Variants in CD81 observed in about 807,000 individuals in gnomAD.
The protein encoded by CD81 is CD81 antigen.
A neutral mutation model predicts 30.1 loss-of-function variants in CD81; 10 were observed. That is an observed-to-expected ratio of 0.33 (90% CI 0.21 to 0.56). The LOEUF (loss-of-function observed/expected upper bound fraction) is 0.56. CD81 is among the 20% of genes least tolerant of loss of function. The probability of loss-of-function intolerance (pLI) is 0.89; values close to 1 mark genes in which losing one functional copy is unlikely to be tolerated. For missense variants in CD81, 263 were observed against 308.7 expected (o/e 0.85, Z 1.11); for synonymous variants, 147 against 126.4 (o/e 1.16, Z -1.10).
At position 2,397,232 on chromosome 11, in the gene CD81, C is replaced by T. The variant is rs892915391; in HGVS notation, c.*366C>T. The T allele has an allele frequency of 5.1e-6, 2 of 389,230 alleles. No individual in the cohort carries two copies. Among genetic ancestry groups the T allele is most frequent in the Admixed American group, 7.8e-5 (2 of 25,578 alleles). The allele number at this position is 389,230 out of a possible 1,614,324, so 24.1% of individuals were successfully genotyped here. ...GCTGTGTCCACCCAGCCCGCCCGTC[C>T]TGTGGGCTGCACAGCTCACCTTGTT... On this transcript the variant is annotated 3_prime_UTR_variant, in exon 8 of 8. Coordinates refer to ENST00000263645, the MANE Select transcript of CD81 (RefSeq NM_004356.4).
chr11:2,394,604 G>A (rs1849963619), intron 3 of CD81, among the ~76,000 whole-genome samples: 2 of 152,144 alleles, frequency 1.3e-5, no homozygotes, highest in Non-Finnish European at 2.9e-5. Flanking sequence ...CCTTCCGTGG[G>A]GAGCAGGAAC....
At chr11:2,386,520 C>T (rs947204229) in intron 1 of CD81, 11 of 715,458 alleles carry the variant, frequency 1.5e-5, no homozygotes, top group African/African-American at 3.5e-5. Flanking sequence ...ATCCAGAAAC[C>T]GGCAGTGACC....
chr11:2,376,917 C>T (rs1247067134), upstream of CD81: 2 of 152,340 alleles, frequency 1.3e-5, no homozygotes, highest in African/African-American at 2.4e-5. Flanking sequence ...CCGGATTGTC[C>T]AAGGTGCTCA....
At chr11:2,381,683 C>T (rs1398327933) in intron 1 of CD81, among the ~76,000 whole-genome samples, 1 of 152,200 alleles carries the variant, frequency 6.6e-6, no homozygotes, top group Non-Finnish European at 1.5e-5. Flanking sequence ...GGGGCTGGGG[C>T]TGGAGAGGAG....
At position 2,387,066 on chromosome 11, in the gene CD81, T is replaced by C. The variant is rs572049396; in HGVS notation, c.67-3346T>C. On this transcript the variant is annotated intron_variant, in intron 1 of 7. Transcript: ENST00000263645. ...CTGAGCTTTGCCATCACTACCTTTC[T>C]GTTAGGACGGTATGCCCATTAGATG... Among the ~76,000 whole-genome samples the C allele has an allele frequency of 5.2e-3, 796 of 152,346 alleles. 10 individuals are homozygous for C. Among genetic ancestry groups the C allele is most frequent in the African/African-American group, 0.018 (738 of 41,582 alleles).
chr11:2,397,047 C>T lies in CD81; in HGVS notation c.*181C>T, dbSNP rs1375924788. 2.4e-5 allele frequency: 16 copies of T among 665,596 alleles called. No homozygotes were observed. The highest frequency in any genetic ancestry group is 1.6e-4 in the East Asian group (6 of 36,664). 41.2% of individuals were successfully genotyped at this position (665,596 alleles called of 1,614,324 possible). On this transcript the variant is annotated 3_prime_UTR_variant, in exon 8 of 8. Transcript: ENST00000263645. Reference sequence around the variant, plus strand: ...TTTCCTGTTACCTTTTCAGGGCTGACGTCACATGTAGGTGGCGTGTATGAG... The same window carrying T: ...TTTCCTGTTACCTTTTCAGGGCTGATGTCACATGTAGGTGGCGTGTATGAG...
At chr11:2,386,290 GTTCA>G (rs1849797234) in intron 1 of CD81, 1 of 655,342 alleles carries the variant, frequency 1.5e-6, no homozygotes. Context: ...CTCTGCATAC[GTTCA>G]GGGCACAGGT....
chr11:2,395,341 C>T (rs1480004139), intron 4 of CD81, 75 bp from the exon 5 acceptor site: 4 of 1,230,784 alleles, frequency 3.2e-6, no homozygotes, highest in South Asian at 1.3e-5. Context: ...AAAAGTGCGT[C>T]CGCCTGGGGC....
intron 6 of CD81, 40 bp downstream of exon 6, chr11:2,396,010 G>A (rs1849994109): frequency 2.2e-6 from 3 of 1,390,330 alleles, no homozygotes; most frequent in Non-Finnish European, 3.1e-6. Context: ...CCCCCCGCAT[G>A]TCCCGCCCCT....
chr11:2,377,772 G>T lies in CD81; in HGVS notation c.66+157G>T, dbSNP rs1849624438. On this transcript the variant is annotated intron_variant, in intron 1 of 7. Coordinates refer to ENST00000263645, the MANE Select transcript of CD81 (RefSeq NM_004356.4). This position sits in a 1 kb window ranked among gnomAD's most constrained non-coding sequence, Gnocchi z 7.7. ...CAGGAGCGGGGTGGGGGGTCGCCCG[G>T]GGCCACCGCGCCCCCCGACATTGGG... The T allele has an allele frequency of 3.3e-6, 1 of 306,076 alleles. No individual in the cohort carries two copies. Among genetic ancestry groups the T allele is most frequent in the Non-Finnish European group, 6.0e-6 (1 of 166,204 alleles). The allele number at this position is 306,076 out of a possible 1,614,324, so 19.0% of individuals were successfully genotyped here.
At position 2,377,706 on chromosome 11, in the gene CD81, C is replaced by T; in HGVS notation, c.66+91C>T. 3.7e-6 allele frequency: 3 copies of T among 807,670 alleles called. No homozygotes were observed. Among genetic ancestry groups the T allele is most frequent in the South Asian group, 2.2e-5 (1 of 46,466 alleles). The allele number at this position is 807,670 out of a possible 1,614,324, so 50.0% of individuals were successfully genotyped here. On this transcript the variant is annotated intron_variant, in intron 1 of 7. Coordinates refer to ENST00000263645, the MANE Select transcript of CD81 (RefSeq NM_004356.4). This position sits in a 1 kb window ranked among gnomAD's most constrained non-coding sequence, Gnocchi z 7.7. ...GCGGCAGCGTGCTAGGCCCCGCGGGCGCAGCGCGGGCCGCGAAGTTGTGGG... is the reference window on the plus strand; with the variant it reads ...GCGGCAGCGTGCTAGGCCCCGCGGGTGCAGCGCGGGCCGCGAAGTTGTGGG...
Position 2,390,538 on chromosome 11 carries a change from T to C in CD81, c.181+12T>C. The C allele has an allele frequency of 6.3e-7, 1 of 1,583,804 alleles. No individual in the cohort carries two copies. Among genetic ancestry groups the C allele is most frequent in the Non-Finnish European group, 8.7e-7 (1 of 1,153,518 alleles). On this transcript the variant is annotated intron_variant, in intron 2 of 7. Coordinates refer to ENST00000263645, the MANE Select transcript of CD81 (RefSeq NM_004356.4). ...CACCTTCTATGTAGGTGAGTGCACA[T>C]GTGGCCGCAGACGCATTCAGGGAGG...
intron 3 of CD81, 193 bp from the exon 4 acceptor site, chr11:2,394,779 G>A (rs978025926): frequency 6.1e-6 from 4 of 654,960 alleles, no homozygotes; most frequent in East Asian, 2.7e-5. Context: ...GGGCTTTGAC[G>A]GCTCCTCCCT....
At chr11:2,381,332 A>G (rs972169328) in intron 1 of CD81, among the ~76,000 whole-genome samples, 2 of 152,344 alleles carry the variant, frequency 1.3e-5, no homozygotes, top group East Asian at 3.9e-4. Flanking sequence ...GGTGCTGACA[A>G]GTCACTCGCC....
intron 1 of CD81, among the ~76,000 whole-genome samples, chr11:2,388,732 GC>G (rs58035575): frequency 0.11 from 15,970 of 151,956 alleles, 2,417 homozygotes; most frequent in African/African-American, 0.34. Flanking sequence ...TGCCCTCGTG[GC>G]CCCCCCCGGG....
intron 1 of CD81, chr11:2,382,591 C>T (rs887780719): frequency 6.6e-6 from 1 of 152,224 alleles, no homozygotes; most frequent in Non-Finnish European, 1.5e-5. Context: ...TGGGGGACCC[C>T]GCAGGGCGCC....
rs753283461 is a variant in CD81, at chr11:2,395,479, G to T, written c.418G>T (p.Ala140Ser). Residue 140 changes from alanine to serine, a missense_variant, in exon 5 of 8, where the codon GCC becomes TCC. Physicochemically the swap from Ala to Ser is moderately conservative, Grantham distance 99. This residue lies in a region of CD81 where 176 missense variants were observed against 192.9 expected (regional missense o/e 0.91). Coordinates refer to ENST00000263645, the MANE Select transcript of CD81 (RefSeq NM_004356.4). ...ACAGCAGGCCGTGGTGGATGATGAC[G>T]CCAACAACGCCAAGGCTGTGGTGAA... ...ALQQAVVDDDANNAKAVVKTF... is the reference protein window; with the variant it reads ...ALQQAVVDDDSNNAKAVVKTF... The T allele has an allele frequency of 6.2e-7, 1 of 1,612,726 alleles. No individual in the cohort carries two copies. Among genetic ancestry groups the T allele is most frequent in the Non-Finnish European group, 8.5e-7 (1 of 1,179,890 alleles).
chr11:2,382,292 A>G (rs533211034), intron 1 of CD81, among the ~76,000 whole-genome samples: 22 of 152,216 alleles, frequency 1.4e-4, no homozygotes, highest in Non-Finnish European at 2.5e-4. Flanking sequence ...GACCAGGGGC[A>G]CAGAGCTTGT....
Position 2,395,376 on chromosome 11 carries a change from G to A in CD81, c.355-40G>A, listed in dbSNP as rs751310724. 7 of 1,511,756 alleles carry A rather than the reference G, an allele frequency of 4.6e-6. No individual in the cohort carries two copies. The South Asian group carries it at 6.7e-5, about 15-fold the overall frequency. The allele number at this position is 1,511,756 out of a possible 1,614,324, so 93.6% of individuals were successfully genotyped here. A position where few individuals can be genotyped will look rare whatever the true frequency, so the allele number is the denominator to read the frequency against. On this transcript the variant is annotated intron_variant, in intron 4 of 7. Coordinates refer to ENST00000263645, the MANE Select transcript of CD81 (RefSeq NM_004356.4). Reference sequence around the variant, plus strand: ...CGGGGCGGGGTGGGGGCAAGGAGGGGGAGGTTCCCCCTGTGCATGTGACCG... The same window carrying A: ...CGGGGCGGGGTGGGGGCAAGGAGGGAGAGGTTCCCCCTGTGCATGTGACCG...
Sources: allele counts gnomAD v4.1 joint callset (sites outside exome capture counted in the v4.1 genomes callset), GRCh38; gene constraint gnomAD v4.1.1; regional missense constraint gnomAD v4.1.1; non-coding constraint Gnocchi (gnomAD v3.1); transcripts MANE v1.5; gene names NCBI Gene and HGNC (gene_info 2026-07-23, HGNC 2026-07-21).